HSDL2: variants seen among roughly 807,000 people sequenced by gnomAD.
HSDL2 encodes the protein hydroxysteroid dehydrogenase like 2.
In HSDL2, 27 loss-of-function variants were observed where a neutral mutation model predicts 46.3. That is an observed-to-expected ratio of 0.58 (90% CI 0.43 to 0.80). The LOEUF is 0.80. HSDL2 is among the 30% of genes least tolerant of loss of function. HSDL2 has a pLI of 0.00. For synonymous variants in HSDL2, 153 were observed against 163.6 expected (o/e 0.94, Z 0.50); for missense variants, 451 against 502.7 (o/e 0.90, Z 0.98).
chr9:112,404,512 T>C (rs527384859), intron 2 of HSDL2, among the ~76,000 whole-genome samples: 2 of 151,284 alleles, frequency 1.3e-5, no homozygotes, highest in Admixed American at 1.3e-4. Context: ...CCAGCTTGGG[T>C]GACAGAGCGA....
At position 112,439,580 on chromosome 9, in the gene HSDL2, C is replaced by T. The variant is rs571077764; in HGVS notation, c.793+955C>T. 9.4e-4 allele frequency among the ~76,000 whole-genome samples: 143 copies of T among 152,170 alleles called. 1 individual carries two copies. Among genetic ancestry groups the T allele is most frequent in the African/African-American group, 3.3e-3 (136 of 41,512 alleles). ...CATACATAGGAGTTATATTTATTTG[C>T]GCTAAAGTATATTTTAAATATTATT... On this transcript the variant is annotated intron_variant, in intron 7 of 10. Coordinates refer to ENST00000398805, the MANE Select transcript of HSDL2 (RefSeq NM_032303.5).
At chr9:112,390,420 C>T (rs538528675) in intron 1 of HSDL2, among the ~76,000 whole-genome samples, 3 of 152,078 alleles carry the variant, frequency 2.0e-5, no homozygotes, top group Non-Finnish European at 4.4e-5. Flanking sequence ...AGTTCATACA[C>T]AAAAATTAAT....
intron 2 of HSDL2, among the ~76,000 whole-genome samples, chr9:112,404,423 A>G (rs1029028019): frequency 6.6e-6 from 1 of 152,002 alleles, no homozygotes; most frequent in African/African-American, 2.4e-5. Flanking sequence ...TCACCCAGCT[A>G]CTCGGGAGGC....
intron 4 of HSDL2, among the ~76,000 whole-genome samples, chr9:112,410,702 G>A (rs1045252951): frequency 6.6e-5 from 10 of 152,082 alleles, no homozygotes; most frequent in African/African-American, 1.2e-4. Context: ...TGAGCCAGGC[G>A]GGTCACTTGA....
intron 6 of HSDL2, among the ~76,000 whole-genome samples, chr9:112,438,194 C>A (rs930954092): frequency 6.6e-6 from 1 of 152,114 alleles, no homozygotes; most frequent in Non-Finnish European, 1.5e-5. Context: ...GCGGAGATCA[C>A]GCCATTGCAC....
chr9:112,429,628 G>A (rs1051565501), intron 6 of HSDL2, among the ~76,000 whole-genome samples: 2 of 152,178 alleles, frequency 1.3e-5, no homozygotes, highest in Admixed American at 6.5e-5. Flanking sequence ...ATCAATCGCT[G>A]TCCTTATGGA....
chr9:112,393,756 G>A (rs759928994), intron 1 of HSDL2, among the ~76,000 whole-genome samples: 2 of 152,222 alleles, frequency 1.3e-5, no homozygotes, highest in Non-Finnish European at 2.9e-5. Flanking sequence ...TCCTTCTTGA[G>A]CTCGAACCAA....
At chr9:112,447,753 G>A (rs1168446188) in intron 8 of HSDL2, among the ~76,000 whole-genome samples, 1 of 152,168 alleles carries the variant, frequency 6.6e-6, no homozygotes, top group Non-Finnish European at 1.5e-5. Flanking sequence ...TTACTCAGTG[G>A]ATAAAATTGC....
chr9:112,383,414 C>T (rs929512561), intron 1 of HSDL2, among the ~76,000 whole-genome samples: 1 of 151,860 alleles, frequency 6.6e-6, no homozygotes, highest in Non-Finnish European at 1.5e-5. Context: ...TTTTTATGGT[C>T]TTATATTTTT....
intron 4 of HSDL2, among the ~76,000 whole-genome samples, chr9:112,414,809 C>G (rs1182958073): frequency 3.3e-5 from 5 of 152,090 alleles, no homozygotes; most frequent in Admixed American, 6.6e-5. Flanking sequence ...ACAGTATCTA[C>G]CAAAACCCCT....
At chr9:112,412,687 T>C (rs750950918) in intron 4 of HSDL2, among the ~76,000 whole-genome samples, 6 of 152,376 alleles carry the variant, frequency 3.9e-5, no homozygotes, top group Middle Eastern at 3.4e-3. Context: ...TTTTTCCTTG[T>C]GAAATTATGT....
chr9:112,424,627 T>C (rs1219252437), intron 6 of HSDL2, among the ~76,000 whole-genome samples: 1 of 152,064 alleles, frequency 6.6e-6, no homozygotes, highest in Non-Finnish European at 1.5e-5. Flanking sequence ...TTATTGCTTA[T>C]TTATAGTTTT....
chr9:112,404,271 A>C, intron 2 of HSDL2, 113 bp downstream of exon 2: 1 of 992,888 alleles, frequency 1.0e-6, no homozygotes, highest in Non-Finnish European at 1.5e-6. Context: ...ACATAATTTT[A>C]TCTAGTGAAA....
intron 1 of HSDL2, among the ~76,000 whole-genome samples, chr9:112,385,482 C>T (rs1831197700): frequency 7.9e-6 from 1 of 126,824 alleles, no homozygotes; most frequent in African/African-American, 3.0e-5. Context: ...GCATGCACCA[C>T]CACACCTGGC....
intron 4 of HSDL2, 107 bp downstream of exon 4, chr9:112,409,128 A>T: frequency 1.6e-6 from 1 of 632,496 alleles, no homozygotes; most frequent in East Asian, 2.8e-5. Context: ...TTCAAAATCT[A>T]GTCAATCCTT....
rs762833688 is a variant in HSDL2, at chr9:112,380,179, G to C, written c.16G>C (p.Gly6Arg). 1 of 1,571,990 alleles carries C rather than the reference G, an allele frequency of 6.4e-7. No homozygotes were observed. Among genetic ancestry groups the C allele is most frequent in the South Asian group, 1.2e-5 (1 of 86,614 alleles). The change falls in exon 1 of 11, where the codon GGG becomes CGG. Residue 6 changes from glycine to arginine, a missense_variant and splice_region_variant. Coordinates refer to ENST00000398805, the MANE Select transcript of HSDL2 (RefSeq NM_032303.5). ...TACGAAAGTCATGTTACCCAACACC[G>C]GGTAAGGGGGTAGGGGCGGCGCGGG... is the stretch of plus-strand genomic sequence containing the variant. Reference protein sequence around the residue: MLPNTGRLAGCTVFIT... With the variant: MLPNTRRLAGCTVFIT...
chr9:112,449,385 C>G (rs964776188), intron 8 of HSDL2, among the ~76,000 whole-genome samples: 18 of 151,862 alleles, frequency 1.2e-4, no homozygotes, highest in African/African-American at 4.1e-4. Context: ...CCACGCCCAG[C>G]CTCTTTCCTC....
chr9:112,405,290 T>C (rs1831700262), intron 2 of HSDL2, among the ~76,000 whole-genome samples: 1 of 152,148 alleles, frequency 6.6e-6, no homozygotes, highest in South Asian at 2.1e-4. Context: ...AGATTGAGGC[T>C]GCAGTGAGCT....
intron 8 of HSDL2, among the ~76,000 whole-genome samples, chr9:112,446,007 G>A (rs1352541741): frequency 6.6e-6 from 1 of 152,100 alleles, no homozygotes; most frequent in African/African-American, 2.4e-5. Flanking sequence ...GTTTTCGTGT[G>A]GAAGAATTCT....
Sources: allele counts gnomAD v4.1 joint callset (sites outside exome capture counted in the v4.1 genomes callset), GRCh38; gene constraint gnomAD v4.1.1; transcripts MANE v1.5; gene names NCBI Gene and HGNC (gene_info 2026-07-23, HGNC 2026-07-21).